PTPRQ: variants seen among roughly 807,000 people sequenced by gnomAD.
PTPRQ encodes protein tyrosine phosphatase receptor type Q.
In PTPRQ, 199 loss-of-function variants were observed where a neutral mutation model predicts 246.0. The observed-to-expected ratio is 0.81, with a 90% CI of 0.72 to 0.91. The LOEUF (loss-of-function observed/expected upper bound fraction) is 0.91, where lower values mean the gene tolerates loss of function less well. PTPRQ is among the 40% of genes least tolerant of loss of function. PTPRQ has a pLI of 0.00. For missense variants in PTPRQ, 2,624 were observed against 2,528.4 expected, an observed-to-expected ratio of 1.04 and a Z score of -0.81; for synonymous variants, 869 against 853.2, an observed-to-expected ratio of 1.02 and a Z score of -0.32.
chr12:80,505,094 T>C (rs1273820374), intron 14 of PTPRQ, among the ~76,000 whole-genome samples: 1 of 151,834 alleles, frequency 6.6e-6, no homozygotes, highest in East Asian at 1.9e-4. Flanking sequence ...ATATCACTCA[T>C]CTTTCAGCGG....
chr12:80,637,357 T>C (rs1899695089), intron 35 of PTPRQ, among the ~76,000 whole-genome samples: 1 of 152,248 alleles, frequency 6.6e-6, no homozygotes, highest in Non-Finnish European at 1.5e-5. Context: ...TTTCCACTTC[T>C]GTGTTTATTT....
At chr12:80,463,816 C>G (rs1279052802) in intron 6 of PTPRQ, among the ~76,000 whole-genome samples, 1 of 150,902 alleles carries the variant, frequency 6.6e-6, no homozygotes, top group African/African-American at 2.5e-5. Context: ...CAAGCAAATG[C>G]TGAGAGATTT....
intron 25 of PTPRQ, among the ~76,000 whole-genome samples, chr12:80,551,892 C>T (rs1896485328): frequency 1.3e-5 from 2 of 151,894 alleles, no homozygotes; most frequent in South Asian, 4.1e-4. Context: ...CTTCTTTAAA[C>T]ATATCCAACC....
chr12:80,543,757 A>G (rs1460817915), intron 23 of PTPRQ, among the ~76,000 whole-genome samples: 5 of 152,078 alleles, frequency 3.3e-5, no homozygotes. Context: ...CTTTCTGGAA[A>G]CCAAGATATT....
chr12:80,564,959 C>A (rs1341460218), intron 25 of PTPRQ, among the ~76,000 whole-genome samples: 1 of 152,110 alleles, frequency 6.6e-6, no homozygotes, highest in African/African-American at 2.4e-5. Flanking sequence ...TGAGTATATA[C>A]ATACTTTTGT....
At chr12:80,663,638 A>G (rs1171719864) in intron 39 of PTPRQ, among the ~76,000 whole-genome samples, 2 of 151,954 alleles carry the variant, frequency 1.3e-5, no homozygotes, top group East Asian at 3.9e-4. Flanking sequence ...CTCTTCTGTC[A>G]TAATTATTGA....
At position 80,493,414 on chromosome 12, in the gene PTPRQ, T is replaced by A. The variant is rs1377013086; in HGVS notation, c.1499T>A (p.Phe500Tyr). ...FIYNSHPDKN[F>Y]PARNRAEDQT... is the part of the protein sequence containing the mutation. ...TATAACAGCCATCCAGATAAAAACT[T>A]TCCTGCAAGGAATAGAGCTGAAGAC... Residue 500 changes from phenylalanine to tyrosine, a missense_variant, in exon 10 of 45, where the codon TTT becomes TAT. Phe to Tyr is a conservative substitution (Grantham distance 22, BLOSUM62 3). Transcript: ENST00000644991. 5 of 1,550,096 alleles carry A rather than the reference T, an allele frequency of 3.2e-6. No individual in the cohort carries two copies. The South Asian group carries it at 6.0e-5, about 18-fold the overall frequency.
chr12:80,545,754 A>AATAATAATTTATTATTATTATAT (rs1896283437), intron 23 of PTPRQ, among the ~76,000 whole-genome samples: 1 of 147,874 alleles, frequency 6.8e-6, no homozygotes, highest in Non-Finnish European at 1.5e-5. Flanking sequence ...ATTTTAAAAT[A>AATAATAATTTATTATTATTATAT]ATAATAATTT....
intron 20 of PTPRQ, 46 bp downstream of exon 20, chr12:80,539,990 CTT>C (rs1213160542): frequency 1.5e-6 from 2 of 1,368,574 alleles, no homozygotes; most frequent in African/African-American, 1.5e-5. Flanking sequence ...TAATTTAAAA[CTT>C]ATTATTTTAG....
At chr12:80,601,992 C>T (rs987015391) in intron 26 of PTPRQ, among the ~76,000 whole-genome samples, 5 of 151,730 alleles carry the variant, frequency 3.3e-5, no homozygotes, top group Admixed American at 6.6e-5. Context: ...ATTCTGTCTT[C>T]ATCATTAGCA....
intron 38 of PTPRQ, among the ~76,000 whole-genome samples, chr12:80,653,330 C>T (rs937858652): frequency 1.3e-5 from 2 of 152,134 alleles, no homozygotes; most frequent in East Asian, 1.9e-4. Context: ...ATAGTACATA[C>T]AGCTTCATTT....
At chr12:80,613,175 A>AT (rs140437586) in intron 28 of PTPRQ, among the ~76,000 whole-genome samples, 11,954 of 150,586 alleles carry the variant, frequency 0.079, 1,155 homozygotes, top group African/African-American at 0.23. Context: ...CTGGTTTCAT[A>AT]TAAACTCCAG....
At chr12:80,514,601 A>G (rs1055387325) in intron 17 of PTPRQ, among the ~76,000 whole-genome samples, 4 of 109,864 alleles carry the variant, frequency 3.6e-5, no homozygotes, top group Non-Finnish European at 5.5e-5. Context: ...TATATATAAT[A>G]TATTTGTATA....
At chr12:80,474,124 A>G (rs1893739642) in intron 8 of PTPRQ, among the ~76,000 whole-genome samples, 1 of 152,250 alleles carries the variant, frequency 6.6e-6, no homozygotes, top group African/African-American at 2.4e-5. Context: ...TGGTTTCAGT[A>G]TTTAAAACTT....
chr12:80,677,316 A>C (rs1377508225), intron 43 of PTPRQ, among the ~76,000 whole-genome samples: 1 of 152,210 alleles, frequency 6.6e-6, no homozygotes, highest in African/African-American at 2.4e-5. Context: ...TCGAGAAGTA[A>C]CTTACTAGCA....
chr12:80,669,834 T>A (rs1388021276), intron 41 of PTPRQ, among the ~76,000 whole-genome samples: 1 of 152,048 alleles, frequency 6.6e-6, no homozygotes, highest in African/African-American at 2.4e-5. Flanking sequence ...TCCTAATAAT[T>A]TGATTTTCTA....
At chr12:80,603,862 T>C (rs1898222634) in intron 26 of PTPRQ, among the ~76,000 whole-genome samples, 1 of 151,656 alleles carries the variant, frequency 6.6e-6, no homozygotes. Flanking sequence ...AGATTATATG[T>C]TATTTATTTC....
intron 3 of PTPRQ, among the ~76,000 whole-genome samples, chr12:80,450,512 G>A (rs549706893): frequency 1.2e-4 from 18 of 152,162 alleles, no homozygotes; most frequent in Non-Finnish European, 2.2e-4. Context: ...TTGGCTGTGG[G>A]TTTGTCATAG....
intron 8 of PTPRQ, among the ~76,000 whole-genome samples, chr12:80,480,339 C>A (rs570808463): frequency 6.6e-6 from 1 of 152,166 alleles, no homozygotes; most frequent in South Asian, 2.1e-4. Flanking sequence ...AACAAAGACA[C>A]AACATACCAG....
Sources: allele counts gnomAD v4.1 joint callset (sites outside exome capture counted in the v4.1 genomes callset), GRCh38; gene constraint gnomAD v4.1.1; transcripts MANE v1.5; gene names NCBI Gene and HGNC (gene_info 2026-07-23, HGNC 2026-07-21).